The following IGFL4 variants were observed in gnomAD, a reference collection of about 807,000 sequenced individuals.
IGFL4 encodes IGF like family member 4.
A neutral mutation model predicts 15.4 loss-of-function variants in IGFL4; 12 were observed. The ratio of observed to expected loss-of-function variants is 0.78; its 90% confidence interval spans 0.50 to 1.26. The LOEUF (loss-of-function observed/expected upper bound fraction) is 1.26, where lower values mean the gene tolerates loss of function less well. Ranked by LOEUF, IGFL4 falls within the 50% of genes most tolerant of loss-of-function variation. The pLI, the probability that IGFL4 is intolerant of heterozygous loss-of-function variation, is 0.00. For synonymous variants in IGFL4, 54 were observed against 55.9 expected, an observed-to-expected ratio of 0.97 and a Z score of 0.16; for missense variants, 126 against 147.8, an observed-to-expected ratio of 0.85 and a Z score of 0.76.
rs756198674 is a variant in IGFL4 at position 46,040,466 on chromosome 19, TC to T, written c.70+51del. 6.2e-7 allele frequency: 1 copy of T among 1,613,850 alleles called. No individual in the cohort carries two copies. The highest frequency in any genetic ancestry group is 8.5e-7 in the Non-Finnish European group (1 of 1,179,746). ...CTGCAAGGACCAGCCTAGGACCACCTCCCCACCAACCTTAATGCTGTTCTCT... is the reference window on the plus strand; with the variant it reads ...CTGCAAGGACCAGCCTAGGACCACCTCCCACCAACCTTAATGCTGTTCTCT... On this transcript the variant is annotated intron_variant, in intron 2 of 3. Coordinates refer to ENST00000377697, the MANE Select transcript of IGFL4 (RefSeq NM_001002923.3). This position sits in a 1 kb window ranked among gnomAD's most constrained non-coding sequence, Gnocchi z 4.1.
intron 2 of IGFL4, among the ~76,000 whole-genome samples, chr19:46,054,238 G>T (rs1220166287): frequency 1.4e-4 from 21 of 152,052 alleles, no homozygotes; most frequent in Admixed American, 1.4e-3. Context: ...TGTAGTTTCA[G>T]GTTTTACATG....
At chr19:46,065,506 A>C (rs1969486559) in intron 1 of IGFL4, among the ~76,000 whole-genome samples, 1 of 152,214 alleles carries the variant, frequency 6.6e-6, no homozygotes, top group Non-Finnish European at 1.5e-5. Context: ...ACGGGGTTTC[A>C]ACGTGTTGGC....
intron 2 of IGFL4, among the ~76,000 whole-genome samples, chr19:46,052,612 C>T (rs1969355442): frequency 1.3e-5 from 2 of 151,944 alleles, no homozygotes; most frequent in South Asian, 4.1e-4. Context: ...ATCCCAGCTA[C>T]TCGGGAGACT....
chr19:46,069,724 T>C (rs1969527764), intron 1 of IGFL4, among the ~76,000 whole-genome samples: 1 of 152,246 alleles, frequency 6.6e-6, no homozygotes, highest in African/African-American at 2.4e-5. Context: ...ATTTCAGCCT[T>C]ACCCTAAAAA....
At chr19:46,061,902 C>T (rs1192205048) in intron 1 of IGFL4, among the ~76,000 whole-genome samples, 1 of 152,210 alleles carries the variant, frequency 6.6e-6, no homozygotes, top group African/African-American at 2.4e-5. Flanking sequence ...CTAGTTATTA[C>T]ACACCAGAGT....
intron 1 of IGFL4, among the ~76,000 whole-genome samples, chr19:46,072,616 G>A (rs950117588): frequency 8.5e-5 from 13 of 152,364 alleles, no homozygotes; most frequent in African/African-American, 2.9e-4. Flanking sequence ...ATGTGGGGAA[G>A]CCCCAGGTGT....
At chr19:46,057,215 TTA>T (rs1303622938) in intron 2 of IGFL4, among the ~76,000 whole-genome samples, 1 of 152,158 alleles carries the variant, frequency 6.6e-6, no homozygotes, top group East Asian at 1.9e-4. Context: ...TACTATTTTC[TTA>T]TGTTTTTTTC....
At position 46,040,199 on chromosome 19, in the gene IGFL4, C is replaced by T. The variant is rs751809480; in HGVS notation, c.288G>A (p.Lys96=). The part of the protein sequence containing the change: ...TVVRFKVPGM[K]PDCKSSPITR... ...TGATAGGGGAGGACTTGCAATCTGG[C>T]TTCATGCCTGGGACCTTGAACCTCA... Residue 96 remains lysine (K), a synonymous_variant, in exon 3 of 4, where the codon AAG becomes AAA. Coordinates refer to ENST00000377697, the MANE Select transcript of IGFL4 (RefSeq NM_001002923.3). This position sits in a 1 kb window ranked among gnomAD's most constrained non-coding sequence, Gnocchi z 4.1. 2 of 1,613,984 alleles carry T rather than the reference C, an allele frequency of 1.2e-6. No homozygotes were observed. The highest frequency in any genetic ancestry group is 2.2e-5 in the East Asian group (1 of 44,890).
chr19:46,056,034 T>A (rs1433569955), intron 2 of IGFL4, among the ~76,000 whole-genome samples: 3 of 152,128 alleles, frequency 2.0e-5, no homozygotes, highest in Non-Finnish European at 1.5e-5. Flanking sequence ...GCCTCAGCCT[T>A]CCAAAGCGCT....
intron 1 of IGFL4, among the ~76,000 whole-genome samples, chr19:46,061,079 A>ATGTTCAT (rs1425664418): frequency 6.6e-6 from 1 of 152,232 alleles, no homozygotes; most frequent in East Asian, 1.9e-4. Flanking sequence ...TTTAGCCAAC[A>ATGTTCAT]TGTTCATACA....
chr19:46,044,901 T>A (rs896232532), upstream of IGFL4, among the ~76,000 whole-genome samples: 3 of 150,896 alleles, frequency 2.0e-5, no homozygotes, highest in African/African-American at 7.3e-5. Context: ...GCCTGACTGT[T>A]AAAAGAAAAA....
chr19:46,055,027 TAA>T (rs998908645), intron 2 of IGFL4, among the ~76,000 whole-genome samples: 1 of 152,112 alleles, frequency 6.6e-6, no homozygotes, highest in Non-Finnish European at 1.5e-5. Flanking sequence ...TCTTGGTGAC[TAA>T]GGAGGGAAAC....
chr19:46,056,497 C>G (rs757242522), intron 2 of IGFL4, among the ~76,000 whole-genome samples: 2 of 152,206 alleles, frequency 1.3e-5, no homozygotes, highest in Non-Finnish European at 2.9e-5. Context: ...ATCTCCTCCA[C>G]TCGCTCCCTA....
chr19:46,047,078 G>T (rs916153961), intron 2 of IGFL4, among the ~76,000 whole-genome samples: 2 of 152,142 alleles, frequency 1.3e-5, no homozygotes, highest in East Asian at 3.8e-4. Flanking sequence ...CAACAAATTA[G>T]AAATCAAGAT....
At chr19:46,068,649 G>T (rs1338075986) in intron 1 of IGFL4, among the ~76,000 whole-genome samples, 1 of 152,148 alleles carries the variant, frequency 6.6e-6, no homozygotes, top group Admixed American at 6.5e-5. Context: ...ATCTGTGGGC[G>T]GCCTCTGACT....
In IGFL4 at chr19:46,039,930, G is replaced by T. The variant is rs557774087; in HGVS notation, c.337C>A (p.His113Asn). Reference protein sequence around the residue: ...PITRICAQEYHPKSPVSRSDL... With the variant: ...PITRICAQEYNPKSPVSRSDL... ...GATCTTGACACAGGGCTTTTTGGGTGGTATTCCTGCAGAAGGAGAGAAGTG... is the reference window on the plus strand; with the variant it reads ...GATCTTGACACAGGGCTTTTTGGGTTGTATTCCTGCAGAAGGAGAGAAGTG... The change falls in exon 4 of 4, where the codon CAC becomes AAC. Residue 113 changes from histidine (H) to asparagine (N), a missense_variant. His to Asn is a moderately conservative substitution (Grantham distance 68, BLOSUM62 1). Coordinates refer to ENST00000377697, the MANE Select transcript of IGFL4 (RefSeq NM_001002923.3). 29 of 1,613,224 alleles carry T rather than the reference G, an allele frequency of 1.8e-5. No individual in the cohort carries two copies. The South Asian group carries it at 3.0e-4, about 16-fold the overall frequency.
intron 1 of IGFL4, among the ~76,000 whole-genome samples, chr19:46,067,516 C>T (rs1969506465): frequency 6.6e-6 from 1 of 152,164 alleles, no homozygotes; most frequent in South Asian, 2.1e-4. Context: ...TGAGCTTTAG[C>T]CAGAACAAAA....
chr19:46,056,332 A>G (rs1969392445), intron 2 of IGFL4, among the ~76,000 whole-genome samples: 4 of 152,202 alleles, frequency 2.6e-5, no homozygotes. Flanking sequence ...GACATCTCAG[A>G]TACAGAACAT....
chr19:46,047,202 T>C (rs1188712780), intron 2 of IGFL4, among the ~76,000 whole-genome samples: 1 of 152,178 alleles, frequency 6.6e-6, no homozygotes, highest in African/African-American at 2.4e-5. Flanking sequence ...TTGAAACTAA[T>C]GAGAACTAAG....
Sources: gnomAD v4.1 joint callset for allele counts (sites outside exome capture counted in the v4.1 genomes callset) on GRCh38, gnomAD v4.1.1 for gene constraint, Gnocchi (gnomAD v3.1) non-coding constraint, MANE v1.5 for transcripts, NCBI Gene and HGNC (gene_info 2026-07-23, HGNC 2026-07-21) for gene names.